The following LDLRAD3 variants were observed in gnomAD, a reference collection of about 807,000 sequenced individuals.
LDLRAD3 encodes low-density lipoprotein receptor class A domain-containing protein 3.
A neutral mutation model predicts 29.4 loss-of-function variants in LDLRAD3; 20 were observed. The observed-to-expected ratio is 0.68, with a 90% CI of 0.48 to 0.99. The LOEUF (loss-of-function observed/expected upper bound fraction) is 0.99, where lower values mean the gene tolerates loss of function less well. Among genes scored for constraint, LDLRAD3 ranks in the 50% least tolerant of loss-of-function variants. The pLI, the probability that LDLRAD3 is intolerant of heterozygous loss-of-function variation, is 0.00. For synonymous variants in LDLRAD3, 157 were observed against 192.7 expected (o/e 0.81, Z 1.53); for missense variants, 420 against 454.3 (o/e 0.92, Z 0.69).
chr11:36,141,003 T>C lies in LDLRAD3; in HGVS notation c.454+42542T>C, dbSNP rs11033455. Among the ~76,000 whole-genome samples the C allele has an allele frequency of 3.0e-3, 346 of 116,926 alleles. 4 individuals carry two copies. Among genetic ancestry groups the C allele is most frequent in the African/African-American group, 0.012 (328 of 28,474 alleles). 76.7% of individuals were successfully genotyped at this position (116,926 alleles called of 152,430 possible). On this transcript the variant is annotated intron_variant, in intron 4 of 5. Transcript: ENST00000315571. Reference sequence around the variant, plus strand: ...GGTGCTGTTGAGCTTTCTCTCTCTCTCTCTCTCTCTCTCTCTCTCTCTCTC... The same window carrying C: ...GGTGCTGTTGAGCTTTCTCTCTCTCCCTCTCTCTCTCTCTCTCTCTCTCTC...
At chr11:35,963,331 G>T (rs910882220) in intron 1 of LDLRAD3, among the ~76,000 whole-genome samples, 3 of 151,568 alleles carry the variant, frequency 2.0e-5, no homozygotes, top group Admixed American at 6.6e-5. Flanking sequence ...AAATATCAAA[G>T]AACTGAAACT....
intron 1 of LDLRAD3, among the ~76,000 whole-genome samples, chr11:36,015,319 C>G (rs1239461039): frequency 6.8e-6 from 1 of 147,888 alleles, no homozygotes; most frequent in African/African-American, 2.5e-5. Context: ...CCCCCCCCGC[C>G]CCCTGCCCCC....
At chr11:36,050,429 C>T (rs1326228117) in intron 2 of LDLRAD3, among the ~76,000 whole-genome samples, 3 of 152,146 alleles carry the variant, frequency 2.0e-5, no homozygotes, top group Non-Finnish European at 4.4e-5. Flanking sequence ...TCTGGTGGGC[C>T]ACTGAGTGAA....
intron 2 of LDLRAD3, among the ~76,000 whole-genome samples, chr11:36,061,243 A>G (rs1206413259): frequency 1.3e-5 from 2 of 152,120 alleles, no homozygotes; most frequent in Non-Finnish European, 2.9e-5. Context: ...AGTTCCAGTG[A>G]TTCTTCTGCC....
At chr11:36,174,514 A>G (rs1298139895) in intron 4 of LDLRAD3, among the ~76,000 whole-genome samples, 1 of 152,256 alleles carries the variant, frequency 6.6e-6, no homozygotes, top group African/African-American at 2.4e-5. Flanking sequence ...AGACAAATTT[A>G]CAAGAAAAAA....
intron 2 of LDLRAD3, among the ~76,000 whole-genome samples, chr11:36,057,668 G>A (rs1852641202): frequency 6.6e-6 from 1 of 152,212 alleles, no homozygotes; most frequent in African/African-American, 2.4e-5. Flanking sequence ...TCTCTTGGCT[G>A]CCCTTCTACC....
intron 4 of LDLRAD3, among the ~76,000 whole-genome samples, chr11:36,174,117 G>A (rs1854637226): frequency 6.6e-6 from 1 of 151,820 alleles, no homozygotes; most frequent in East Asian, 1.9e-4. Context: ...ATGGGGAAAG[G>A]ATTCCCTATT....
chr11:36,098,669 T>A (rs1156260916), intron 4 of LDLRAD3, among the ~76,000 whole-genome samples: 1 of 152,254 alleles, frequency 6.6e-6, no homozygotes, highest in Non-Finnish European at 1.5e-5. Flanking sequence ...AATTTTGTAT[T>A]GTTCCTGAAT....
intron 1 of LDLRAD3, among the ~76,000 whole-genome samples, chr11:35,957,217 T>A (rs1851213016): frequency 6.6e-6 from 1 of 152,252 alleles, no homozygotes; most frequent in South Asian, 2.1e-4. Flanking sequence ...TGATCATACG[T>A]GGAATATAAT....
At chr11:35,993,210 G>A (rs1017157995) in intron 1 of LDLRAD3, among the ~76,000 whole-genome samples, 3 of 152,146 alleles carry the variant, frequency 2.0e-5, no homozygotes, top group African/African-American at 7.2e-5. Flanking sequence ...TTAAAAACAA[G>A]TTAAAAGATT....
Position 35,977,076 on chromosome 11 carries a change from T to C in LDLRAD3, c.46+32932T>C, listed in dbSNP as rs145419062. On this transcript the variant is annotated intron_variant, in intron 1 of 5. Coordinates refer to ENST00000315571, the MANE Select transcript of LDLRAD3 (RefSeq NM_174902.4). ...ATTGCTCAGGCATGTGTTATGCCTA[T>C]TGAGTGGCTTTCAGAGCCTGCTGGA... Among the ~76,000 whole-genome samples, 594 of 152,334 alleles carry C rather than the reference T, an allele frequency of 3.9e-3. 16 individuals carry two copies. The South Asian group carries it at 0.06, about 15-fold the overall frequency.
At chr11:35,993,248 T>TA in intron 1 of LDLRAD3, among the ~76,000 whole-genome samples, 1 of 152,290 alleles carries the variant, frequency 6.6e-6, no homozygotes, top group African/African-American at 2.4e-5. Context: ...AACAAAAAAG[T>TA]ACCAGCAAGG....
chr11:36,093,258 C>G (rs1041010677), intron 3 of LDLRAD3, among the ~76,000 whole-genome samples: 1 of 152,158 alleles, frequency 6.6e-6, no homozygotes, highest in African/African-American at 2.4e-5. Flanking sequence ...GCATTCCCAA[C>G]ATCCAGTTTC....
At chr11:36,122,643 C>T (rs909062277) in intron 4 of LDLRAD3, among the ~76,000 whole-genome samples, 5 of 152,110 alleles carry the variant, frequency 3.3e-5, no homozygotes, top group Non-Finnish European at 5.9e-5. Context: ...CCATCCCCAG[C>T]CCCTAGGAGC....
At chr11:36,150,117 A>G (rs770888044) in intron 4 of LDLRAD3, among the ~76,000 whole-genome samples, 8 of 152,168 alleles carry the variant, frequency 5.3e-5, no homozygotes, top group Non-Finnish European at 7.3e-5. Flanking sequence ...GTGGTGTCCC[A>G]TCTCTAGGGA....
At chr11:36,101,114 G>A (rs1374613485) in intron 4 of LDLRAD3, among the ~76,000 whole-genome samples, 4 of 152,134 alleles carry the variant, frequency 2.6e-5, no homozygotes, top group Non-Finnish European at 4.4e-5. Context: ...TAGCCAGAGG[G>A]CATCCCCTTA....
chr11:36,032,031 A>C (rs1852241558), intron 1 of LDLRAD3, among the ~76,000 whole-genome samples: 1 of 152,164 alleles, frequency 6.6e-6, no homozygotes, highest in South Asian at 2.1e-4. Context: ...CTGTGTCCTC[A>C]CATGGTCTTC....
intron 4 of LDLRAD3, among the ~76,000 whole-genome samples, chr11:36,190,789 T>C (rs1854929318): frequency 6.6e-6 from 1 of 152,132 alleles, no homozygotes; most frequent in East Asian, 1.9e-4. Context: ...TTTCAGAACA[T>C]TGGGCAAAAA....
chr11:36,098,590 C>G, intron 4 of LDLRAD3, 129 bp downstream of exon 4: 1 of 1,019,022 alleles, frequency 9.8e-7, no homozygotes, highest in South Asian at 1.6e-5. Context: ...TTGCACTCAG[C>G]CTTGCAGCCC....
Sources: gnomAD v4.1 joint callset for allele counts (sites outside exome capture counted in the v4.1 genomes callset) on GRCh38, gnomAD v4.1.1 for gene constraint, MANE v1.5 for transcripts, NCBI Gene and HGNC (gene_info 2026-07-23, HGNC 2026-07-21) for gene names.